MGAT4C: variants seen among roughly 807,000 people sequenced by gnomAD.
The protein encoded by MGAT4C is MGAT4 family member C.
Under a neutral mutation model 40.1 loss-of-function variants are expected in MGAT4C, and 19 were observed. The observed-to-expected ratio is 0.47, with a 90% CI of 0.33 to 0.70. The LOEUF (loss-of-function observed/expected upper bound fraction) is 0.70. MGAT4C is among the 30% of genes least tolerant of loss of function. The pLI, the probability that MGAT4C is intolerant of heterozygous loss-of-function variation, is 0.02. For missense variants in MGAT4C, 491 were observed against 563.2 expected (o/e 0.87, Z 1.30); for synonymous variants, 181 against 187.1 (o/e 0.97, Z 0.27).
rs534172923 is a variant in MGAT4C, at chr12:86,228,538, T to C, written c.-57+27701A>G. 5.9e-5 allele frequency among the ~76,000 whole-genome samples: 9 copies of C among 151,970 alleles called. No homozygotes were observed. In the South Asian group the frequency reaches 1.9e-3, roughly 31 times the overall value. ...TTTCAATGAATCAGGGGAACCTCTT[T>C]TGGGGAGAAGCAGGAATCAAGAGAA... On this transcript the variant is annotated intron_variant, in intron 1 of 4. Coordinates refer to ENST00000611864, the MANE Select transcript of MGAT4C (RefSeq NM_001351288.2).
At chr12:86,361,322 T>C (rs1485881645) in intron 3 of MGAT4C, among the ~76,000 whole-genome samples, 1 of 152,170 alleles carries the variant, frequency 6.6e-6, no homozygotes, top group Non-Finnish European at 1.5e-5. Flanking sequence ...TTACACCTTA[T>C]ACAAAAATTA....
intron 4 of MGAT4C, among the ~76,000 whole-genome samples, chr12:86,296,300 C>T (rs186100869): frequency 4.0e-3 from 614 of 152,250 alleles, no homozygotes; most frequent in Non-Finnish European, 6.4e-3. Context: ...CATAAAAACT[C>T]TCCACGTCCC....
chr12:86,421,676 C>T (rs567555487), intron 3 of MGAT4C, among the ~76,000 whole-genome samples: 3 of 152,236 alleles, frequency 2.0e-5, no homozygotes, highest in African/African-American at 7.2e-5. Flanking sequence ...CTCAGGGAGG[C>T]TGAGGCAGGA....
chr12:86,530,594 C>A (rs1241242480), intron 2 of MGAT4C, among the ~76,000 whole-genome samples: 1 of 152,046 alleles, frequency 6.6e-6, no homozygotes, highest in Non-Finnish European at 1.5e-5. Context: ...AGGTCTCCTA[C>A]TTTTCCAGAA....
chr12:86,664,264 C>A (rs1964047955), intron 2 of MGAT4C, among the ~76,000 whole-genome samples: 1 of 151,760 alleles, frequency 6.6e-6, no homozygotes, highest in Non-Finnish European at 1.5e-5. Flanking sequence ...TCACTCTGTC[C>A]TCCCCTTCCT....
chr12:85,974,712 C>A lies in MGAT4C; in HGVS notation c.*4577G>T, dbSNP rs1325852292. The A allele has an allele frequency of 6.6e-6, 1 of 150,402 alleles. No homozygotes were observed. Among genetic ancestry groups the A allele is most frequent in the African/African-American group, 2.4e-5 (1 of 41,200 alleles). 9.3% of individuals were successfully genotyped at this position (150,402 alleles called of 1,614,324 possible). On this transcript the variant is annotated 3_prime_UTR_variant, in exon 5 of 5. Transcript: ENST00000611864. ...GCAAACAAAAAATAAATGGCAATAA[C>A]TAATCACATTGAATTTTGTTATGGC...
chr12:86,307,322 CTATT>C lies in MGAT4C; in HGVS notation c.-57+26739_-57+26742del, dbSNP rs551779929. On this transcript the variant is annotated intron_variant, in intron 4 of 7. Coordinates refer to the MGAT4C transcript ENST00000548651. The stretch of plus-strand genomic sequence containing the variant: ...ATTGGCATGAATTACATAAAATAAA[CTATT>C]TATTTCTACATTGCTACATTGTTTA... Among the ~76,000 whole-genome samples, 146 of 150,562 alleles carry C rather than the reference CTATT, an allele frequency of 9.7e-4. 9 individuals are homozygous for C. Among genetic ancestry groups the C allele is most frequent in the African/African-American group, 2.0e-3 (80 of 40,050 alleles).
At chr12:86,629,958 C>A (rs1324580246) in intron 2 of MGAT4C, among the ~76,000 whole-genome samples, 7 of 152,026 alleles carry the variant, frequency 4.6e-5, no homozygotes, top group Non-Finnish European at 1.0e-4. Flanking sequence ...ATCAATGAAT[C>A]CAGGAGCCGG....
At chr12:85,997,892 T>C (rs1886806572) in intron 2 of MGAT4C, among the ~76,000 whole-genome samples, 2 of 152,166 alleles carry the variant, frequency 1.3e-5, no homozygotes, top group African/African-American at 4.8e-5. Context: ...GTGGTCCTCT[T>C]CTCACAGCAC....
chr12:86,230,107 A>G (rs762559205), intron 1 of MGAT4C, among the ~76,000 whole-genome samples: 1 of 152,084 alleles, frequency 6.6e-6, no homozygotes, highest in Non-Finnish European at 1.5e-5. Flanking sequence ...TCTACATCCT[A>G]TGATAGTGTC....
intron 4 of MGAT4C, among the ~76,000 whole-genome samples, chr12:86,267,059 G>C: frequency 6.6e-6 from 1 of 151,474 alleles, no homozygotes; most frequent in East Asian, 1.9e-4. Flanking sequence ...AAATAATCTA[G>C]TTTTGTTTTA....
chr12:86,259,201 T>C (rs1952604561), upstream of MGAT4C, among the ~76,000 whole-genome samples: 2 of 151,996 alleles, frequency 1.3e-5, no homozygotes, highest in African/African-American at 4.8e-5. Flanking sequence ...TTTTTAGTGG[T>C]GTTTCTTTTG....
chr12:86,721,253 G>T (rs1441344911), intron 2 of MGAT4C, among the ~76,000 whole-genome samples: 1 of 152,044 alleles, frequency 6.6e-6, no homozygotes, highest in African/African-American at 2.4e-5. Context: ...ATTTAAAAAA[G>T]AATCTTGTCA....
chr12:86,436,442 C>G (rs538899605), intron 2 of MGAT4C, among the ~76,000 whole-genome samples: 4 of 151,660 alleles, frequency 2.6e-5, no homozygotes, highest in African/African-American at 9.6e-5. Flanking sequence ...GGGAGAAGAC[C>G]TACATACTGT....
intron 4 of MGAT4C, among the ~76,000 whole-genome samples, chr12:86,308,559 T>A (rs1169084760): frequency 4.6e-5 from 7 of 150,698 alleles, no homozygotes; most frequent in Admixed American, 4.6e-4. Context: ...GTTTGTTGTT[T>A]CACGAAAAGC....
chr12:86,324,252 G>A (rs1592697747), intron 4 of MGAT4C, among the ~76,000 whole-genome samples: 1 of 151,886 alleles, frequency 6.6e-6, no homozygotes, highest in East Asian at 1.9e-4. Context: ...TGGTAAAAGA[G>A]TGGTAGATAG....
At chr12:86,133,380 C>T (rs1458149460) in intron 1 of MGAT4C, among the ~76,000 whole-genome samples, 1 of 152,168 alleles carries the variant, frequency 6.6e-6, no homozygotes, top group Non-Finnish European at 1.5e-5. Context: ...GACTTTGTTA[C>T]TTGTCTTGCC....
At chr12:86,249,764 GTCCCTCTA>G (rs1178112221) in intron 1 of MGAT4C, among the ~76,000 whole-genome samples, 2 of 151,978 alleles carry the variant, frequency 1.3e-5, no homozygotes, top group Admixed American at 1.3e-4. Flanking sequence ...TCTTAATGAG[GTCCCTCTA>G]TCTGAAATAT....
chr12:86,230,096 G>A (rs929193453), intron 1 of MGAT4C, among the ~76,000 whole-genome samples: 1 of 152,034 alleles, frequency 6.6e-6, no homozygotes, highest in Non-Finnish European at 1.5e-5. Context: ...TTATGTATGT[G>A]TCTACATCCT....
Sources: gnomAD v4.1 joint callset for allele counts (sites outside exome capture counted in the v4.1 genomes callset) on GRCh38, gnomAD v4.1.1 for gene constraint, MANE v1.5 for transcripts, NCBI Gene and HGNC (gene_info 2026-07-23, HGNC 2026-07-21) for gene names.